SCN11A: variants seen among roughly 807,000 people sequenced by gnomAD.
The protein encoded by SCN11A is sodium channel protein type 11 subunit alpha.
A neutral mutation model predicts 162.2 loss-of-function variants in SCN11A; 122 were observed. The ratio of observed to expected loss-of-function variants is 0.75; its 90% CI spans 0.65 to 0.87. SCN11A has a LOEUF of 0.87. SCN11A is among the 40% of genes least tolerant of loss of function. SCN11A has a pLI of 0.00. For synonymous variants in SCN11A, 758 were observed against 751.5 expected (o/e 1.01, Z -0.14); for missense variants, 2,015 against 2,181.6 (o/e 0.92, Z 1.52).
intron 2 of SCN11A, among the ~76,000 whole-genome samples, chr3:39,007,603 C>T (rs979637971): frequency 6.6e-6 from 1 of 152,144 alleles, no homozygotes; most frequent in Non-Finnish European, 1.5e-5. Flanking sequence ...CATAAAAACC[C>T]TAAATAACAC....
intron 1 of SCN11A, among the ~76,000 whole-genome samples, chr3:39,044,341 A>G (rs1441614899): frequency 6.6e-6 from 1 of 152,168 alleles, no homozygotes; most frequent in Non-Finnish European, 1.5e-5. Flanking sequence ...CATTTACAGA[A>G]CATTTTTTCT....
chr3:38,896,794 G>C (rs2126117808), intron 18 of SCN11A, 51 bp downstream of exon 18: 1 of 1,371,588 alleles, frequency 7.3e-7, no homozygotes, highest in Non-Finnish European at 9.6e-7. Flanking sequence ...ATGCATTTGA[G>C]AGGCATGTAG....
In SCN11A at chr3:38,846,751, A is replaced by C. The variant is rs2064670946; in HGVS notation, c.5319T>G (p.Leu1773=). ...ENGPHSPLQT[L]CNGDLSSFGV... is the part of the protein sequence containing the mutation. The stretch of plus-strand genomic sequence containing the variant: ...CAAAGCTAGACAAGTCTCCATTGCA[A>C]AGAGTCTGGAGTGGTGAATGAGGCC... The change falls in exon 30 of 30, where the codon CTT becomes CTG. Residue 1773 remains leucine (L), a synonymous_variant. Coordinates refer to ENST00000302328, the MANE Select transcript of SCN11A (RefSeq NM_001349253.2). 1 of 1,614,140 alleles carries C rather than the reference A, an allele frequency of 6.2e-7. No individual in the cohort carries two copies. Among genetic ancestry groups the C allele is most frequent in the African/African-American group, 1.3e-5 (1 of 75,024 alleles).
chr3:38,862,721 T>C (rs560378506), intron 28 of SCN11A, among the ~76,000 whole-genome samples: 2 of 152,168 alleles, frequency 1.3e-5, no homozygotes, highest in South Asian at 2.1e-4. Context: ...AATGATATAA[T>C]GGACTTCAGG....
At chr3:38,849,884 G>A (rs1414904159) in intron 29 of SCN11A, 1 of 152,282 alleles carries the variant, frequency 6.6e-6, no homozygotes, top group Non-Finnish European at 1.5e-5. Flanking sequence ...TCTGAGACAA[G>A]CACAGTTCAC....
At position 38,870,787 on chromosome 3, in the gene SCN11A, T is replaced by C. The variant is rs775895913; in HGVS notation, c.3760-43A>G. On this transcript the variant is annotated intron_variant, in intron 25 of 29. Coordinates refer to ENST00000302328, the MANE Select transcript of SCN11A (RefSeq NM_001349253.2). Reference sequence around the variant, plus strand: ...AAACATGAATAATACAAATGTAGACTTGCCATCAACAGATACATGGCATGG... The same window carrying C: ...AAACATGAATAATACAAATGTAGACCTGCCATCAACAGATACATGGCATGG... 5 of 1,569,992 alleles carry C rather than the reference T, an allele frequency of 3.2e-6. No individual in the cohort carries two copies. The Admixed American group carries it at 8.4e-5, about 26-fold the overall frequency.
chr3:38,908,946 A>C, intron 13 of SCN11A, 51 bp downstream of exon 13: 416 of 1,425,082 alleles, frequency 2.9e-4, no homozygotes, highest in Non-Finnish European at 3.7e-4. Context: ...GCCTCTGGGG[A>C]CCCCTTCCCC....
chr3:39,040,833 C>A (rs1443356808), intron 1 of SCN11A, among the ~76,000 whole-genome samples: 3 of 152,044 alleles, frequency 2.0e-5, no homozygotes, highest in African/African-American at 7.2e-5. Flanking sequence ...AATCCCAGCA[C>A]TTTGGGAGGC....
chr3:38,869,308 T>G (rs561115836), intron 26 of SCN11A, among the ~76,000 whole-genome samples: 1 of 152,210 alleles, frequency 6.6e-6, no homozygotes, highest in Admixed American at 6.5e-5. Context: ...AAAGCCAAAC[T>G]AGAGTGAAGG....
At chr3:38,863,668 G>A (rs762222349) in intron 27 of SCN11A, among the ~76,000 whole-genome samples, 36 of 151,834 alleles carry the variant, frequency 2.4e-4, no homozygotes, top group Non-Finnish European at 4.3e-4. Flanking sequence ...TCTCATAAAG[G>A]GCAATTGAAT....
chr3:38,880,502 T>A (rs2065291151), intron 22 of SCN11A, among the ~76,000 whole-genome samples: 2 of 152,156 alleles, frequency 1.3e-5, no homozygotes, highest in South Asian at 4.1e-4. Context: ...CCATCTCTCA[T>A]CCTCCCAATT....
At chr3:38,937,121 A>T (rs1438934023) in intron 7 of SCN11A, among the ~76,000 whole-genome samples, 1 of 152,154 alleles carries the variant, frequency 6.6e-6, no homozygotes, top group East Asian at 1.9e-4. Context: ...AGCAATGGGG[A>T]AAGGATTCTC....
intron 7 of SCN11A, among the ~76,000 whole-genome samples, chr3:38,933,624 G>A (rs1327589785): frequency 2.0e-5 from 3 of 152,238 alleles, no homozygotes; most frequent in Non-Finnish European, 4.4e-5. Context: ...AAGGGTATCA[G>A]TGATGGAAGA....
At chr3:38,979,201 G>C (rs1261262056) in intron 2 of SCN11A, among the ~76,000 whole-genome samples, 3 of 152,206 alleles carry the variant, frequency 2.0e-5, no homozygotes, top group African/African-American at 4.8e-5. Context: ...GCATTTAATA[G>C]TATTTGCTGA....
chr3:38,951,173 G>A (rs555668990), intron 4 of SCN11A, among the ~76,000 whole-genome samples: 2 of 152,248 alleles, frequency 1.3e-5, no homozygotes, highest in African/African-American at 4.8e-5. Context: ...AGCGGGAACC[G>A]GGGCTGCACC....
chr3:38,900,847 C>G (rs1325747173), intron 16 of SCN11A, among the ~76,000 whole-genome samples: 2 of 152,122 alleles, frequency 1.3e-5, no homozygotes, highest in African/African-American at 4.8e-5. Context: ...ATAGTTTTGT[C>G]TTTGTCTTCA....
chr3:38,969,117 G>A (rs867088741), intron 2 of SCN11A, among the ~76,000 whole-genome samples: 2 of 152,186 alleles, frequency 1.3e-5, no homozygotes, highest in African/African-American at 4.8e-5. Flanking sequence ...GAGGGAGGAA[G>A]GGAAGGAACA....
At chr3:38,974,668 C>G (rs1247167029) in intron 2 of SCN11A, among the ~76,000 whole-genome samples, 1 of 122,574 alleles carries the variant, frequency 8.2e-6, no homozygotes, top group Non-Finnish European at 1.6e-5. Context: ...GCACTCCAGC[C>G]TGGGCAACAG....
In SCN11A at chr3:39,005,974, T is replaced by C. The variant is rs559469397; in HGVS notation, c.-280+26406A>G. ...TTCTAAATCATTATTTTTAAGAAAA[T>C]AGTTATCTTTCATCTTCAATGTTGA... On this transcript the variant is annotated intron_variant, in intron 2 of 29. Coordinates refer to ENST00000302328, the MANE Select transcript of SCN11A (RefSeq NM_001349253.2). 9.8e-5 allele frequency among the ~76,000 whole-genome samples: 15 copies of C among 152,300 alleles called. No individual in the cohort carries two copies. In the Middle Eastern group the frequency reaches 0.01, roughly 104 times the overall value.
Sources: gnomAD v4.1 joint callset for allele counts (sites outside exome capture counted in the v4.1 genomes callset) on GRCh38, gnomAD v4.1.1 for gene constraint, MANE v1.5 for transcripts, NCBI Gene and HGNC (gene_info 2026-07-23, HGNC 2026-07-21) for gene names.